TRIM52: variants seen among roughly 807,000 people sequenced by gnomAD.
TRIM52 encodes the protein E3 ubiquitin-protein ligase TRIM52.
In TRIM52, 24 loss-of-function variants were observed where a neutral mutation model predicts 27.0. The observed-to-expected ratio is 0.89, with a 90% CI of 0.64 to 1.25. The LOEUF (loss-of-function observed/expected upper bound fraction) is 1.25. Among genes scored for constraint, TRIM52 ranks in the 50% most tolerant of loss-of-function variants. The pLI, the probability that TRIM52 is intolerant of heterozygous loss-of-function variation, is 0.00. For synonymous variants in TRIM52, 125 were observed against 126.5 expected (o/e 0.99, Z 0.08); for missense variants, 351 against 354.7 (o/e 0.99, Z 0.08).
chr5:181,252,264 A>G (rs6877656), downstream of TRIM52, among the ~76,000 whole-genome samples: 612 of 152,286 alleles, frequency 4.0e-3, 5 homozygotes, highest in African/African-American at 0.014. Flanking sequence ...TGCTACTCCC[A>G]AGGGCCCCAG....
Position 181,260,666 on chromosome 5 carries a change from T to A in TRIM52, c.148A>T (p.Lys50Ter), listed in dbSNP as rs768253069. 3.7e-6 allele frequency: 6 copies of A among 1,614,046 alleles called. No individual in the cohort carries two copies. In the East Asian group the frequency reaches 1.3e-4, roughly 36 times the overall value. Residue 50 changes from lysine to a stop codon, truncating the protein, a stop_gained, in exon 1 of 2, where the codon AAG (lysine) becomes TAG (stop). Coordinates refer to ENST00000688015, the MANE Select transcript of TRIM52 (RefSeq NM_001346048.2). LOFTEE classifies it high-confidence loss of function. The surrounding 1 kb of genome is among the most constrained non-coding windows in gnomAD (Gnocchi z 4.4). ...CRGCVTQLWS[K>*]EDEEDQNEEE... ...TCGTTCTGGTCCTCCTCGTCCTCCT[T>A]ACTCCACAGCTGGGTCACACACCCT... is the stretch of plus-strand genomic sequence containing the variant.
At position 181,260,922 on chromosome 5, in the gene TRIM52, C is replaced by A; in HGVS notation, c.-109G>T. 1 of 1,438,416 alleles carries A rather than the reference C, an allele frequency of 7.0e-7. No homozygotes were observed. The highest frequency in any genetic ancestry group is 9.2e-7 in the Non-Finnish European group (1 of 1,091,926). 89.1% of individuals were successfully genotyped at this position (1,438,416 alleles called of 1,614,324 possible). ...CTGGTGACCCGAGGCTGTCCTCAACCTTGCTCTTCTTCCTCGGGGCCGCAG... is the reference window on the plus strand; with the variant it reads ...CTGGTGACCCGAGGCTGTCCTCAACATTGCTCTTCTTCCTCGGGGCCGCAG... On this transcript the variant is annotated 5_prime_UTR_variant, in exon 1 of 2. The change creates a new upstream start codon in the 5' untranslated region. Coordinates refer to ENST00000688015, the MANE Select transcript of TRIM52 (RefSeq NM_001346048.2). This position sits in a 1 kb window ranked among gnomAD's most constrained non-coding sequence, Gnocchi z 4.4.
intron 1 of TRIM52, chr5:181,257,150 T>C: frequency 8.9e-7 from 1 of 1,128,342 alleles, no homozygotes; most frequent in Non-Finnish European, 1.1e-6. Context: ...CTTGGTCAAA[T>C]CTAAATGATC....
downstream of TRIM52, among the ~76,000 whole-genome samples, chr5:181,250,744 A>T (rs912208015): frequency 6.6e-6 from 1 of 152,202 alleles, no homozygotes; most frequent in Non-Finnish European, 1.5e-5. Context: ...TCAAATTTGT[A>T]TGAGGGATGA....
chr5:181,257,304 ATTGACCTC>A, intron 1 of TRIM52: 1 of 1,341,000 alleles, frequency 7.5e-7, no homozygotes. Context: ...TTAAAAGAAC[ATTGACCTC>A]AAAACAATAA....
chr5:181,251,290 CAAAAAA>C, downstream of TRIM52, among the ~76,000 whole-genome samples: 1 of 142,670 alleles, frequency 7.0e-6, no homozygotes, highest in South Asian at 2.2e-4. Flanking sequence ...GGGCAAAACT[CAAAAAA>C]AAAAAGAAAA....
downstream of TRIM52, among the ~76,000 whole-genome samples, chr5:181,253,618 C>CTAAG (rs1759686620): frequency 7.0e-6 from 1 of 142,778 alleles, no homozygotes; most frequent in Admixed American, 6.8e-5. Context: ...AGAGATGCTA[C>CTAAG]TAAGTATCCT....
In TRIM52 at chr5:181,260,204, T is replaced by C; in HGVS notation, c.610A>G (p.Met204Val). ...SFRPNLQLANMVQIIRQMCPT... is the reference protein window; with the variant it reads ...SFRPNLQLANVVQIIRQMCPT... The stretch of plus-strand genomic sequence containing the variant: ...CACATCTGGCGAATTATCTGGACCA[T>C]GTTGGCCAGCTGCAAGTTGGGACGA... The change falls in exon 1 of 2, where the codon ATG becomes GTG. Residue 204 changes from methionine (M) to valine (V), a missense_variant. Physicochemically the swap from Met to Val is conservative, Grantham distance 21. Transcript: ENST00000688015. This position sits in a 1 kb window ranked among gnomAD's most constrained non-coding sequence, Gnocchi z 4.4. 6.2e-6 allele frequency: 10 copies of C among 1,614,190 alleles called. No individual in the cohort carries two copies. The East Asian group carries it at 6.7e-5, about 11-fold the overall frequency.
downstream of TRIM52, among the ~76,000 whole-genome samples, chr5:181,250,264 G>A (rs958767493): frequency 6.6e-6 from 1 of 152,080 alleles, no homozygotes; most frequent in African/African-American, 2.4e-5. Flanking sequence ...GGCCGGGCGC[G>A]GTGGTTCATG....
At chr5:181,254,178 T>G (rs547058177), downstream of TRIM52, among the ~76,000 whole-genome samples, 1,478 of 136,400 alleles carry the variant, frequency 0.011, 323 homozygotes, top group African/African-American at 0.045. Flanking sequence ...TAGTCCCAGC[T>G]ACTCGGCAGG....
downstream of TRIM52, among the ~76,000 whole-genome samples, chr5:181,252,672 A>T (rs1296247815): frequency 6.6e-6 from 1 of 152,232 alleles, no homozygotes; most frequent in African/African-American, 2.4e-5. Flanking sequence ...GAGGCATGGC[A>T]TAGAGGCCAG....
chr5:181,250,258 G>A (rs1561684449), downstream of TRIM52, among the ~76,000 whole-genome samples: 1 of 152,062 alleles, frequency 6.6e-6, no homozygotes, highest in Non-Finnish European at 1.5e-5. Flanking sequence ...AGGGATGGCC[G>A]GGCGCGGTGG....
At position 181,255,380 on chromosome 5, in the gene TRIM52, A is replaced by G. The variant is rs1759732693; in HGVS notation, c.*1429T>C. 1 of 152,364 alleles carries G rather than the reference A, an allele frequency of 6.6e-6. No individual in the cohort carries two copies. The highest frequency in any genetic ancestry group is 2.4e-5 in the African/African-American group (1 of 41,584). 9.4% of individuals were successfully genotyped at this position (152,364 alleles called of 1,614,324 possible). ...GTGGATAAAGCCTTTTCATCTGTTT[A>G]GTCATTTTACACCCAAGTTTCTCTG... On this transcript the variant is annotated 3_prime_UTR_variant, in exon 2 of 2. Coordinates refer to ENST00000688015, the MANE Select transcript of TRIM52 (RefSeq NM_001346048.2).
At chr5:181,249,310 A>C (rs549905809), downstream of TRIM52, among the ~76,000 whole-genome samples, 3 of 152,278 alleles carry the variant, frequency 2.0e-5, no homozygotes, top group African/African-American at 7.2e-5. Flanking sequence ...CTGAGTACTT[A>C]CTAAAGACCT....
At chr5:181,249,851 G>C (rs1326175093), downstream of TRIM52, among the ~76,000 whole-genome samples, 1 of 125,670 alleles carries the variant, frequency 8.0e-6, no homozygotes, top group Non-Finnish European at 1.6e-5. Flanking sequence ...TTTTTTTTGA[G>C]ACAGCGTCTC....
chr5:181,257,382 A>G (rs1561688258), intron 1 of TRIM52: 11 of 1,570,578 alleles, frequency 7.0e-6, no homozygotes, highest in Non-Finnish European at 7.8e-6. Flanking sequence ...CTTAATGAAC[A>G]CCTCCTGTGG....
chr5:181,260,495 C>A lies in TRIM52; in HGVS notation c.319G>T (p.Gly107Cys). 1 of 1,613,964 alleles carries A rather than the reference C, an allele frequency of 6.2e-7. No homozygotes were observed. ...TCCCAATTAGTTATACCACTGTCAC[C>A]GAGCCAGAGTTCATCGTCATCTTGG... ...QDQDDDELWL[G>C]DSGITNWDNV... is the part of the protein sequence containing the mutation. The change falls in exon 1 of 2, where the codon GGT (glycine) becomes TGT (cysteine). Residue 107 changes from glycine to cysteine, a missense_variant. Transcript: ENST00000688015. This position sits in a 1 kb window ranked among gnomAD's most constrained non-coding sequence, Gnocchi z 4.4.
downstream of TRIM52, among the ~76,000 whole-genome samples, chr5:181,252,035 A>G (rs1759644960): frequency 6.6e-6 from 1 of 152,222 alleles, no homozygotes; most frequent in Non-Finnish European, 1.5e-5. Flanking sequence ...AAGGTAATAC[A>G]GTTTATTTTC....
rs1439023081 is a variant in TRIM52, at chr5:181,260,821, C to A, written c.-8G>T. 6.4e-7 allele frequency: 1 copy of A among 1,573,440 alleles called. No homozygotes were observed. Among genetic ancestry groups the A allele is most frequent in the Non-Finnish European group, 8.6e-7 (1 of 1,156,158 alleles). Reference sequence around the variant, plus strand: ...AGTGGCATAACCAGCCATCTTAATGCCCGCCGGCAGGTGTAGATACGTCAG... The same window carrying A: ...AGTGGCATAACCAGCCATCTTAATGACCGCCGGCAGGTGTAGATACGTCAG... On this transcript the variant is annotated 5_prime_UTR_variant, in exon 1 of 2. Transcript: ENST00000688015. This position sits in a 1 kb window ranked among gnomAD's most constrained non-coding sequence, Gnocchi z 4.4.
Sources: allele counts gnomAD v4.1 joint callset (sites outside exome capture counted in the v4.1 genomes callset), GRCh38; gene constraint gnomAD v4.1.1; non-coding constraint Gnocchi (gnomAD v3.1); transcripts MANE v1.5; gene names NCBI Gene and HGNC (gene_info 2026-07-23, HGNC 2026-07-21).